Variants in UMAD1 observed in about 807,000 individuals in gnomAD.
UMAD1 encodes the protein UBAP1-MVB12-associated (UMA)-domain containing protein 1.
Under a neutral mutation model 6.1 loss-of-function variants are expected in UMAD1, and 8 were observed. The ratio of observed to expected loss-of-function variants is 1.30; its 90% CI spans 0.76 to 2.35. The LOEUF (loss-of-function observed/expected upper bound fraction) is 2.35. UMAD1 is among the 30% of genes most tolerant of loss of function. UMAD1 has a pLI of 0.00. For missense variants in UMAD1, 130 were observed against 78.4 expected (o/e 1.66, Z -2.49); for synonymous variants, 56 against 31.4 (o/e 1.78, Z -2.61).
At chr7:7,824,168 T>G (rs2115299170) in intron 3 of UMAD1, among the ~76,000 whole-genome samples, 1 of 152,274 alleles carries the variant, frequency 6.6e-6, no homozygotes, top group South Asian at 2.1e-4. Context: ...GTCCTCATCC[T>G]TTGTCATCTG....
chr7:7,672,976 C>T (rs1349157410), intron 1 of UMAD1, among the ~76,000 whole-genome samples: 1 of 152,152 alleles, frequency 6.6e-6, no homozygotes, highest in Non-Finnish European at 1.5e-5. Flanking sequence ...TCACCCAAAC[C>T]AGTGTCTGTT....
chr7:7,731,482 A>ACCCCCC (rs60208794), intron 2 of UMAD1, among the ~76,000 whole-genome samples: 3 of 112,946 alleles, frequency 2.7e-5, no homozygotes, highest in Non-Finnish European at 3.7e-5. Flanking sequence ...CAAACAAACA[A>ACCCCCC]CCCCCCCCCA....
intron 2 of UMAD1, among the ~76,000 whole-genome samples, chr7:7,785,158 T>C (rs1032485124): frequency 1.3e-5 from 2 of 152,212 alleles, no homozygotes; most frequent in African/African-American, 4.8e-5. Context: ...GAATTTTGTA[T>C]AAGAAGTGAA....
intron 3 of UMAD1, among the ~76,000 whole-genome samples, chr7:7,848,501 C>T (rs185505452): frequency 6.6e-6 from 1 of 152,096 alleles, no homozygotes; most frequent in Non-Finnish European, 1.5e-5. Flanking sequence ...AGTACTTCCA[C>T]CAAGGAGGGT....
At chr7:7,658,831 G>C (rs1040992012) in intron 1 of UMAD1, among the ~76,000 whole-genome samples, 1 of 152,154 alleles carries the variant, frequency 6.6e-6, no homozygotes, top group African/African-American at 2.4e-5. Flanking sequence ...AAATGAGTTA[G>C]GGAGGAGCCC....
intron 2 of UMAD1, among the ~76,000 whole-genome samples, chr7:7,801,194 G>C (rs1173934525): frequency 6.6e-6 from 1 of 152,122 alleles, no homozygotes; most frequent in Non-Finnish European, 1.5e-5. Context: ...CCTGCTGTAA[G>C]GATTATCTGT....
intron 1 of UMAD1, among the ~76,000 whole-genome samples, chr7:7,671,978 C>T (rs1279515053): frequency 6.6e-6 from 1 of 152,056 alleles, no homozygotes. Context: ...TTCTAGCAAC[C>T]AATAGATTCC....
At chr7:7,704,761 C>A (rs2115160339) in intron 2 of UMAD1, among the ~76,000 whole-genome samples, 1 of 76,394 alleles carries the variant, frequency 1.3e-5, no homozygotes, top group Non-Finnish European at 2.3e-5. Context: ...AGCGAGACTC[C>A]ATCTCAAAAA....
chr7:7,742,415 G>A (rs1781489751), intron 2 of UMAD1: 2 of 580,640 alleles, frequency 3.4e-6, no homozygotes, highest in South Asian at 1.4e-5. Flanking sequence ...CTGCTGGAAG[G>A]TGGGTGACGG....
chr7:7,711,544 G>A (rs1300184873), intron 2 of UMAD1, among the ~76,000 whole-genome samples: 1 of 152,190 alleles, frequency 6.6e-6, no homozygotes, highest in South Asian at 2.1e-4. Context: ...ATTTTTATCA[G>A]TCTGTTGGTT....
At chr7:7,701,568 T>C (rs1419787154) in intron 2 of UMAD1, among the ~76,000 whole-genome samples, 1 of 152,176 alleles carries the variant, frequency 6.6e-6, no homozygotes, top group African/African-American at 2.4e-5. Flanking sequence ...AACCTTCCCC[T>C]CTATTTAAAT....
rs528461755 is a variant in UMAD1, at chr7:7,707,247, T to G, written c.82+33794T>G. Among the ~76,000 whole-genome samples, 291 of 152,302 alleles carry G rather than the reference T, an allele frequency of 1.9e-3. 1 individual carries two copies. Among genetic ancestry groups the G allele is most frequent in the African/African-American group, 6.6e-3 (275 of 41,586 alleles). On this transcript the variant is annotated intron_variant, in intron 2 of 3. Coordinates refer to ENST00000682710, the MANE Select transcript of UMAD1 (RefSeq NM_001302348.2). ...ATTCATTATGGTTATAAACTCCTTG[T>G]CTGCCTACAATATTAATATGGAATG... is the stretch of plus-strand genomic sequence containing the variant.
chr7:7,873,763 G>A (rs1187966844), intron 3 of UMAD1, among the ~76,000 whole-genome samples: 1 of 152,004 alleles, frequency 6.6e-6, no homozygotes, highest in Admixed American at 6.5e-5. Flanking sequence ...TTTCTTATGA[G>A]CTGTTTCTTA....
At chr7:7,742,267 C>T (rs1212771120) in intron 2 of UMAD1, 5 of 665,348 alleles carry the variant, frequency 7.5e-6, no homozygotes, top group East Asian at 5.5e-5. Flanking sequence ...TGAACACAAG[C>T]GTGCTGTTGT....
chr7:7,650,371 T>A (rs1785197529), intron 1 of UMAD1, among the ~76,000 whole-genome samples: 1 of 152,250 alleles, frequency 6.6e-6, no homozygotes, highest in African/African-American at 2.4e-5. Context: ...AGCATAGTTT[T>A]ATTATCTTTC....
At chr7:7,782,460 C>T (rs954129361) in intron 2 of UMAD1, among the ~76,000 whole-genome samples, 1 of 151,956 alleles carries the variant, frequency 6.6e-6, no homozygotes, top group African/African-American at 2.4e-5. Flanking sequence ...GAAAATGTGT[C>T]TAAGTCGTGT....
At chr7:7,780,272 G>T (rs1163169168) in intron 2 of UMAD1, among the ~76,000 whole-genome samples, 1 of 152,132 alleles carries the variant, frequency 6.6e-6, no homozygotes, top group African/African-American at 2.4e-5. Context: ...GACCATAGGG[G>T]TATTTCCCCA....
At chr7:7,642,469 AT>A (rs10595305) in intron 1 of UMAD1, among the ~76,000 whole-genome samples, 56,636 of 149,880 alleles carry the variant, frequency 0.38, 12,386 homozygotes, top group East Asian at 0.78. Context: ...TGTAATAGTG[AT>A]TTTTTTTTTT....
intron 2 of UMAD1, among the ~76,000 whole-genome samples, chr7:7,724,155 T>C (rs1253221332): frequency 2.6e-5 from 4 of 152,188 alleles, no homozygotes; most frequent in Non-Finnish European, 5.9e-5. Flanking sequence ...TTTATCAGGG[T>C]AACTGATAAT....
Sources: gnomAD v4.1 joint callset for allele counts (sites outside exome capture counted in the v4.1 genomes callset) on GRCh38, gnomAD v4.1.1 for gene constraint, MANE v1.5 for transcripts, NCBI Gene and HGNC (gene_info 2026-07-23, HGNC 2026-07-21) for gene names.